WDHD1: variants seen among roughly 807,000 people sequenced by gnomAD.
WDHD1 encodes the protein WD repeat and HMG-box DNA binding protein 1.
WDHD1 carries 111 observed loss-of-function variants against 135.4 expected under a neutral mutation model. The ratio of observed to expected loss-of-function variants is 0.82; its 90% CI spans 0.70 to 0.96. The LOEUF is 0.96. WDHD1 is among the 40% of genes least tolerant of loss of function. The pLI is 0.00. For synonymous variants in WDHD1, 434 were observed against 439.0 expected (o/e 0.99, Z 0.14); for missense variants, 1,351 against 1,336.3 (o/e 1.01, Z -0.17).
chr14:54,997,088 CCT>C (rs1491522792), intron 10 of WDHD1, among the ~76,000 whole-genome samples: 22 of 102,024 alleles, frequency 2.2e-4, no homozygotes, highest in African/African-American at 7.6e-4. Context: ...CAGCGCCCAG[CCT>C]TTTTTTTTTT....
intron 10 of WDHD1, among the ~76,000 whole-genome samples, chr14:54,997,969 T>TG (rs1467143627): frequency 6.6e-6 from 1 of 151,094 alleles, no homozygotes; most frequent in African/African-American, 2.4e-5. Flanking sequence ...CCTAGCACTT[T>TG]GGGGGGCTGC....
At position 54,986,414 on chromosome 14, in the gene WDHD1, C is replaced by T. The variant is rs573214350; in HGVS notation, c.1768+732G>A. On this transcript the variant is annotated intron_variant, in intron 14 of 25. Coordinates refer to ENST00000360586, the MANE Select transcript of WDHD1 (RefSeq NM_007086.4). ...AACTCCTGGGCTAAAGCAACTCTCC[C>T]GCCTCGGCCTCCCAAAGTGCTGAGA... Among the ~76,000 whole-genome samples the T allele has an allele frequency of 5.9e-5, 9 of 152,166 alleles. No homozygotes were observed. The East Asian group carries it at 7.7e-4, about 13-fold the overall frequency.
intron 13 of WDHD1, 109 bp from the exon 14 acceptor site, chr14:54,987,496 T>C: frequency 1.1e-6 from 1 of 923,762 alleles, no homozygotes; most frequent in Admixed American, 3.1e-5. Flanking sequence ...GTTTACTTCC[T>C]ATTATACACT....
chr14:54,995,476 C>T, intron 11 of WDHD1, 127 bp downstream of exon 11: 1 of 637,386 alleles, frequency 1.6e-6, no homozygotes, highest in South Asian at 4.3e-5. Context: ...TCATTTAATG[C>T]TATAAAATTT....
At chr14:54,997,660 C>T (rs888745407) in intron 10 of WDHD1, among the ~76,000 whole-genome samples, 5 of 151,538 alleles carry the variant, frequency 3.3e-5, no homozygotes, top group Non-Finnish European at 5.9e-5. Flanking sequence ...TGCCTGTAAT[C>T]CCAGCACTTT....
chr14:55,025,587 A>G (rs1444496301), intron 2 of WDHD1, among the ~76,000 whole-genome samples: 1 of 152,188 alleles, frequency 6.6e-6, no homozygotes, highest in Admixed American at 6.5e-5. Context: ...ATTTTCTCAA[A>G]AACAAACCTG....
rs1747740319 is a variant in WDHD1 at position 54,987,047 on chromosome 14, G to A, written c.1768+99C>T. Reference sequence around the variant, plus strand: ...TTTAAAGATTACACGGATTCAAAAGGAAGTATATAATCCAAGACAAAAAGA... The same window carrying A: ...TTTAAAGATTACACGGATTCAAAAGAAAGTATATAATCCAAGACAAAAAGA... On this transcript the variant is annotated intron_variant, in intron 14 of 25. Coordinates refer to ENST00000360586, the MANE Select transcript of WDHD1 (RefSeq NM_007086.4). 5 of 1,352,352 alleles carry A rather than the reference G, an allele frequency of 3.7e-6. No individual in the cohort carries two copies. In the South Asian group the frequency reaches 6.9e-5, roughly 19 times the overall value. The allele number at this position is 1,352,352 out of a possible 1,614,324, so 83.8% of individuals were successfully genotyped here. A position where few individuals can be genotyped will look rare whatever the true frequency, so the allele number is the denominator to read the frequency against.
intron 24 of WDHD1, among the ~76,000 whole-genome samples, chr14:54,954,980 C>T (rs1184024677): frequency 2.6e-5 from 4 of 152,158 alleles, no homozygotes; most frequent in Non-Finnish European, 4.4e-5. Flanking sequence ...CCGCCTGCTT[C>T]GGCTTCCCAA....
chr14:54,991,190 T>C, intron 12 of WDHD1, 23 bp downstream of exon 12: 1 of 1,356,690 alleles, frequency 7.4e-7, no homozygotes, highest in South Asian at 1.3e-5. Flanking sequence ...TACTAAGAAG[T>C]TAAGTGTAGA....
chr14:55,005,002 G>A (rs930247028), intron 7 of WDHD1: 3 of 544,036 alleles, frequency 5.5e-6, no homozygotes, highest in African/African-American at 3.8e-5. Context: ...TCAGGAGCTG[G>A]AGTAGTCCAT....
At chr14:54,957,255 A>G in intron 22 of WDHD1, 51 bp from the exon 23 acceptor site, 5 of 1,531,790 alleles carry the variant, frequency 3.3e-6, no homozygotes, top group Non-Finnish European at 4.4e-6. Context: ...GAAAAATAAA[A>G]TCCCAAGAGA....
At chr14:55,018,413 A>T (rs1045292590) in intron 2 of WDHD1, among the ~76,000 whole-genome samples, 2 of 152,206 alleles carry the variant, frequency 1.3e-5, no homozygotes, top group Admixed American at 6.5e-5. Flanking sequence ...GTACTTTGGA[A>T]TATCTTGACT....
chr14:55,013,744 A>G (rs921272054), intron 2 of WDHD1, 148 bp from the exon 3 acceptor site: 2 of 582,624 alleles, frequency 3.4e-6, no homozygotes, highest in Non-Finnish European at 6.1e-6. Context: ...AGTCTCTACA[A>G]AAAATTAAAA....
At chr14:54,954,527 A>G (rs1000748462) in intron 24 of WDHD1, among the ~76,000 whole-genome samples, 1 of 152,244 alleles carries the variant, frequency 6.6e-6, no homozygotes, top group Non-Finnish European at 1.5e-5. Flanking sequence ...AATGCTATTC[A>G]TATAAAATTA....
intron 18 of WDHD1, among the ~76,000 whole-genome samples, chr14:54,963,589 G>C (rs1215610450): frequency 6.6e-6 from 1 of 152,154 alleles, no homozygotes; most frequent in Admixed American, 6.5e-5. Flanking sequence ...TGGATCATGA[G>C]GTGAGGAGTT....
intron 16 of WDHD1, among the ~76,000 whole-genome samples, chr14:54,976,475 CTG>C (rs1469369934): frequency 2.0e-5 from 3 of 152,290 alleles, no homozygotes; most frequent in South Asian, 2.1e-4. Context: ...GGGATTACAG[CTG>C]TGAGTCACAA....
intron 4 of WDHD1, among the ~76,000 whole-genome samples, chr14:55,009,433 A>AT (rs769487727): frequency 0.017 from 2,477 of 144,060 alleles, 33 homozygotes; most frequent in African/African-American, 0.042. Flanking sequence ...AAGTAAAATA[A>AT]TTTTTTTTTT....
At chr14:55,025,063 C>A (rs1198157809) in intron 2 of WDHD1, among the ~76,000 whole-genome samples, 2 of 85,192 alleles carry the variant, frequency 2.3e-5, no homozygotes, top group Middle Eastern at 5.9e-3. Flanking sequence ...TGGAATGTCT[C>A]GGTATAAAAC....
rs762281286 is a variant in WDHD1, at chr14:54,967,314, T to C, written c.2144A>G (p.Tyr715Cys). The C allele has an allele frequency of 6.2e-6, 10 of 1,612,078 alleles. No individual in the cohort carries two copies. In the East Asian group the frequency reaches 2.0e-4, roughly 32 times the overall value. ...AVAILSFKLP[Y>C]CQIATEKGQM... Reference sequence around the variant, plus strand: ...TCCTTTCTCTGTTGCAATCTGACAGTAAGGAAGCTTAAAGGATAATATAGC... The same window carrying C: ...TCCTTTCTCTGTTGCAATCTGACAGCAAGGAAGCTTAAAGGATAATATAGC... Residue 715 changes from tyrosine (Y) to cysteine (C), a missense_variant, in exon 17 of 26, where the codon TAC becomes TGC. Coordinates refer to ENST00000360586, the MANE Select transcript of WDHD1 (RefSeq NM_007086.4).
Sources: allele counts gnomAD v4.1 joint callset (sites outside exome capture counted in the v4.1 genomes callset), GRCh38; gene constraint gnomAD v4.1.1; transcripts MANE v1.5; gene names NCBI Gene and HGNC (gene_info 2026-07-23, HGNC 2026-07-21).